The following NEGR1 variants were observed in gnomAD, a reference collection of about 807,000 sequenced individuals.
NEGR1 encodes the protein IgLON family member 4.
In NEGR1, 10 loss-of-function variants were observed where a neutral mutation model predicts 40.9. The ratio of observed to expected loss-of-function variants is 0.24; its 90% confidence interval spans 0.15 to 0.42. The LOEUF is 0.42. Among genes scored for constraint, NEGR1 ranks in the 10% least tolerant of loss-of-function variants. The pLI, the probability that NEGR1 is intolerant of heterozygous loss-of-function variation, is 1.00. For synonymous variants in NEGR1, 185 were observed against 166.8 expected (o/e 1.11, Z -0.84); for missense variants, 352 against 438.9 (o/e 0.80, Z 1.77).
intron 1 of NEGR1, among the ~76,000 whole-genome samples, chr1:72,032,114 C>A (rs902578376): frequency 3.3e-5 from 5 of 152,128 alleles, no homozygotes; most frequent in Non-Finnish European, 7.4e-5. Context: ...TCTACATTAA[C>A]AATAATCATT....
At chr1:71,569,615 T>C (rs369369262) in intron 6 of NEGR1, among the ~76,000 whole-genome samples, 245 of 152,360 alleles carry the variant, frequency 1.6e-3, no homozygotes, top group African/African-American at 5.6e-3. Context: ...TTTTAAAGCA[T>C]GACAATTCAG....
chr1:72,259,292 A>G (rs1442819194), intron 1 of NEGR1, among the ~76,000 whole-genome samples: 1 of 152,134 alleles, frequency 6.6e-6, no homozygotes, highest in Non-Finnish European at 1.5e-5. Context: ...CAAGCACACA[A>G]CAAGCTTCCT....
At chr1:71,744,956 T>C (rs1173912540) in intron 3 of NEGR1, among the ~76,000 whole-genome samples, 1 of 152,212 alleles carries the variant, frequency 6.6e-6, no homozygotes, top group African/African-American at 2.4e-5. Context: ...CTTATTAGAT[T>C]CTAGGCATTG....
chr1:72,102,076 G>A (rs898984555), intron 1 of NEGR1, among the ~76,000 whole-genome samples: 13 of 151,998 alleles, frequency 8.6e-5, no homozygotes, highest in Middle Eastern at 3.4e-3. Context: ...GTATTTGATC[G>A]CTAGAAGAGA....
At chr1:72,009,303 A>T (rs561487772) in intron 1 of NEGR1, among the ~76,000 whole-genome samples, 1 of 152,210 alleles carries the variant, frequency 6.6e-6, no homozygotes, top group African/African-American at 2.4e-5. Flanking sequence ...TCACCAAGCC[A>T]TCCCTTTTCC....
intron 2 of NEGR1, among the ~76,000 whole-genome samples, chr1:71,923,694 G>T (rs899305179): frequency 6.6e-6 from 1 of 151,990 alleles, no homozygotes; most frequent in South Asian, 2.1e-4. Flanking sequence ...GACTTTCCTG[G>T]CTTCTAAAGT....
intron 6 of NEGR1, among the ~76,000 whole-genome samples, chr1:71,439,394 ACT>A (rs778028951): frequency 6.6e-6 from 1 of 151,962 alleles, no homozygotes; most frequent in Non-Finnish European, 1.5e-5. Flanking sequence ...ACAGGATCTG[ACT>A]CTCTCACTCA....
chr1:71,903,035 A>AATCT (rs143172059), intron 2 of NEGR1, among the ~76,000 whole-genome samples: 3,043 of 141,938 alleles, frequency 0.021, 63 homozygotes, highest in South Asian at 0.11. Context: ...CAAAGTTTTA[A>AATCT]ATCTATAAAA....
intron 6 of NEGR1, among the ~76,000 whole-genome samples, chr1:71,523,975 C>A (rs1647185026): frequency 6.6e-6 from 1 of 151,682 alleles, no homozygotes; most frequent in South Asian, 2.1e-4. Flanking sequence ...CTTCTAAATG[C>A]AAAATCTTCA....
chr1:72,183,273 CA>C (rs1652458890), intron 1 of NEGR1, among the ~76,000 whole-genome samples: 1 of 152,072 alleles, frequency 6.6e-6, no homozygotes, highest in Non-Finnish European at 1.5e-5. Context: ...CGGACTTTCC[CA>C]GGCTTCTTTA....
Position 72,210,439 on chromosome 1 carries a change from C to T in NEGR1, c.176+71880G>A, listed in dbSNP as rs1653559015. Among the ~76,000 whole-genome samples the T allele has an allele frequency of 2.0e-5, 3 of 151,874 alleles. No homozygotes were observed. The South Asian group carries it at 6.2e-4, about 31-fold the overall frequency. ...AAATAAAACACTTGGGTGATTGAAA[C>T]GCAAGCAGAATGAGCCACATTTTTC... On this transcript the variant is annotated intron_variant, in intron 1 of 6. Transcript: ENST00000357731.
At chr1:71,759,726 C>T (rs11579404) in intron 3 of NEGR1, among the ~76,000 whole-genome samples, 43,085 of 149,484 alleles carry the variant, frequency 0.29, 7,758 homozygotes, top group East Asian at 0.57. Flanking sequence ...CCTTCTGCCT[C>T]GGCCTCCCAA....
Position 71,486,389 on chromosome 1 carries a change from TC to T in NEGR1, c.941-78820del, listed in dbSNP as rs1646888441. 2.0e-5 allele frequency: 3 copies of T among 151,440 alleles called. No individual in the cohort carries two copies. The Admixed American group carries it at 2.0e-4, about 10-fold the overall frequency. The allele number at this position is 151,440 out of a possible 1,614,324, so 9.4% of individuals were successfully genotyped here. On this transcript the variant is annotated intron_variant, in intron 6 of 6. Transcript: ENST00000357731. ...TTTGCAAATATTTTCTTTTTTTTTT[TC>T]ACCACAGAGCTTTCATGGTGAAAGA...
At chr1:71,417,389 G>A (rs979236143) in intron 6 of NEGR1, among the ~76,000 whole-genome samples, 4 of 152,158 alleles carry the variant, frequency 2.6e-5, no homozygotes, top group Admixed American at 2.0e-4. Flanking sequence ...AGATAGGAAA[G>A]ATAATATTAT....
chr1:71,756,468 G>A (rs1439400910), intron 3 of NEGR1, among the ~76,000 whole-genome samples: 1 of 150,702 alleles, frequency 6.6e-6, no homozygotes, highest in Non-Finnish European at 1.5e-5. Context: ...AACAGCGAGG[G>A]TTGAGAAGCC....
intron 1 of NEGR1, among the ~76,000 whole-genome samples, chr1:72,083,618 T>A (rs1289920181): frequency 6.6e-6 from 1 of 152,202 alleles, no homozygotes; most frequent in East Asian, 1.9e-4. Context: ...ATTGTCCCAT[T>A]TTATTTTAAT....
chr1:71,948,763 G>A (rs1480889837), intron 1 of NEGR1, among the ~76,000 whole-genome samples: 2 of 151,940 alleles, frequency 1.3e-5, no homozygotes, highest in African/African-American at 4.8e-5. Flanking sequence ...CTGCCTTGCT[G>A]GCTCAGAAAT....
At chr1:72,143,889 TATATATTATATATATG>T (rs1353835854) in intron 1 of NEGR1, among the ~76,000 whole-genome samples, 7 of 96,758 alleles carry the variant, frequency 7.2e-5, no homozygotes, top group African/African-American at 2.9e-4. Context: ...TATTCATATA[TATATATTATATATATG>T]ATATATATAA....
intron 1 of NEGR1, among the ~76,000 whole-genome samples, chr1:72,187,097 T>G (rs1652639855): frequency 6.6e-6 from 1 of 151,576 alleles, no homozygotes. Context: ...ATGTACTTTC[T>G]CCTTTTATCA....
Sources: gnomAD v4.1 joint callset for allele counts (sites outside exome capture counted in the v4.1 genomes callset) on GRCh38, gnomAD v4.1.1 for gene constraint, MANE v1.5 for transcripts, NCBI Gene and HGNC (gene_info 2026-07-23, HGNC 2026-07-21) for gene names.